The following CDH23 variants were observed in gnomAD, a reference collection of about 807,000 sequenced individuals.
CDH23 encodes cadherin-23.
In CDH23, 189 loss-of-function variants were observed where a neutral mutation model predicts 317.1. That is an observed-to-expected ratio of 0.60 (90% CI 0.53 to 0.67). CDH23 has a LOEUF of 0.67. Ranked by LOEUF, CDH23 falls within the 30% of genes least tolerant of loss-of-function variation. The pLI, the probability that CDH23 is intolerant of heterozygous loss-of-function variation, is 0.00. For missense variants in CDH23, 4,401 were observed against 4,592.4 expected (o/e 0.96, Z 1.20); for synonymous variants, 1,839 against 1,876.8 (o/e 0.98, Z 0.52).
At chr10:71,697,264 A>G (rs1322201423) in intron 22 of CDH23, among the ~76,000 whole-genome samples, 2 of 152,162 alleles carry the variant, frequency 1.3e-5, no homozygotes, top group East Asian at 3.9e-4. Flanking sequence ...GGCATGGACA[A>G]TGGACCAAGG....
intron 14 of CDH23, among the ~76,000 whole-genome samples, chr10:71,655,213 G>A (rs1589301154): frequency 6.6e-6 from 1 of 152,220 alleles, no homozygotes; most frequent in East Asian, 1.9e-4. Flanking sequence ...GCTGTCCCAG[G>A]CACTCCCTGG....
In CDH23 at chr10:71,469,233, C is replaced by A. The variant is rs749997102; in HGVS notation, c.145+22838C>A. 1.6e-4 allele frequency among the ~76,000 whole-genome samples: 25 copies of A among 152,330 alleles called. No homozygotes were observed. In the East Asian group the frequency reaches 3.3e-3, roughly 20 times the overall value. ...GCACACGCCCTTGAAACCATCACCA[C>A]CATTAAGATAGCGAACATATCCATC... On this transcript the variant is annotated intron_variant, in intron 3 of 69. Coordinates refer to ENST00000224721, the MANE Select transcript of CDH23 (RefSeq NM_022124.6).
At chr10:71,680,542 G>C (rs1228453382) in intron 17 of CDH23, among the ~76,000 whole-genome samples, 2 of 152,086 alleles carry the variant, frequency 1.3e-5, no homozygotes, top group Non-Finnish European at 2.9e-5. Context: ...GAGGTCAGGA[G>C]TTTGAGACCA....
chr10:71,567,603 C>T (rs1471208702), intron 7 of CDH23, among the ~76,000 whole-genome samples: 1 of 152,276 alleles, frequency 6.6e-6, no homozygotes, highest in African/African-American at 2.4e-5. Context: ...GGTTGTCCAC[C>T]TCTCAGTCCA....
At chr10:71,651,802 T>C (rs542351582) in intron 14 of CDH23, among the ~76,000 whole-genome samples, 4 of 152,320 alleles carry the variant, frequency 2.6e-5, no homozygotes, top group East Asian at 3.9e-4. Context: ...CTTGTGACGG[T>C]GGCAGGCGTT....
intron 32 of CDH23, 97 bp from the exon 33 acceptor site, chr10:71,734,142 GA>G: frequency 1.0e-6 from 1 of 973,500 alleles, no homozygotes; most frequent in Admixed American, 2.0e-5. Flanking sequence ...AGTTATGCCG[GA>G]CAGAGGAAGT....
chr10:71,627,673 A>C (rs985664401), intron 11 of CDH23, among the ~76,000 whole-genome samples: 2 of 152,066 alleles, frequency 1.3e-5, no homozygotes, highest in Non-Finnish European at 2.9e-5. Context: ...AGTCCCGTCT[A>C]ACAGCTGGAG....
At chr10:71,663,142 G>A (rs1450541550) in intron 14 of CDH23, among the ~76,000 whole-genome samples, 3 of 152,124 alleles carry the variant, frequency 2.0e-5, no homozygotes, top group Admixed American at 1.3e-4. Context: ...CACATTTGTG[G>A]GTCCCAGAGG....
intron 9 of CDH23, among the ~76,000 whole-genome samples, chr10:71,587,360 T>C (rs1404047053): frequency 6.6e-6 from 1 of 152,266 alleles, no homozygotes; most frequent in Non-Finnish European, 1.5e-5. Flanking sequence ...CATTCATTCA[T>C]TCAGCTAGCC....
intron 3 of CDH23, among the ~76,000 whole-genome samples, chr10:71,475,816 A>G (rs922218276): frequency 2.6e-5 from 4 of 152,240 alleles, no homozygotes; most frequent in Non-Finnish European, 5.9e-5. Flanking sequence ...AGCAGGCCCC[A>G]GTTCCATGCC....
At chr10:71,465,425 G>A (rs1281594905) in intron 3 of CDH23, among the ~76,000 whole-genome samples, 1 of 152,248 alleles carries the variant, frequency 6.6e-6, no homozygotes, top group Non-Finnish European at 1.5e-5. Flanking sequence ...TAGCCACGAG[G>A]CATTTGAGGT....
intron 38 of CDH23, chr10:71,761,763 G>A (rs779919795): frequency 5.8e-5 from 94 of 1,614,026 alleles, no homozygotes; most frequent in South Asian, 1.9e-4. Context: ...AGCCCGTGGC[G>A]CTGAGCCAGG....
At chr10:71,493,928 A>C (rs1473288996) in intron 3 of CDH23, among the ~76,000 whole-genome samples, 2 of 152,222 alleles carry the variant, frequency 1.3e-5, no homozygotes, top group Non-Finnish European at 2.9e-5. Flanking sequence ...GGGATGACTC[A>C]TCATTCAGCA....
At chr10:71,506,149 G>T (rs1372864634) in intron 3 of CDH23, among the ~76,000 whole-genome samples, 1 of 152,196 alleles carries the variant, frequency 6.6e-6, no homozygotes, top group African/African-American at 2.4e-5. Flanking sequence ...GCCACATACT[G>T]TATTATTTCA....
intron 3 of CDH23, among the ~76,000 whole-genome samples, chr10:71,469,609 C>T (rs926944126): frequency 8.2e-6 from 1 of 122,294 alleles, no homozygotes; most frequent in Non-Finnish European, 1.7e-5. Flanking sequence ...TTTGTGTCCC[C>T]CCCTTGTTTT....
At chr10:71,703,161 A>G (rs1015447638) in intron 24 of CDH23, among the ~76,000 whole-genome samples, 1 of 152,146 alleles carries the variant, frequency 6.6e-6, no homozygotes, top group African/African-American at 2.4e-5. Context: ...GGCCAAGCAC[A>G]TGGTCTGATC....
intron 46 of CDH23, 73 bp from the exon 47 acceptor site, chr10:71,791,059 G>C: frequency 8.3e-7 from 1 of 1,199,528 alleles, no homozygotes; most frequent in Non-Finnish European, 1.2e-6. Context: ...CTCTCTCCCT[G>C]TTGGTTCTTG....
intron 52 of CDH23, among the ~76,000 whole-genome samples, 176 bp from the exon 53 acceptor site, chr10:71,800,460 T>C (rs962658928): frequency 1.3e-5 from 2 of 151,978 alleles, no homozygotes; most frequent in Non-Finnish European, 2.9e-5. Flanking sequence ...CCAGGTAGGT[T>C]GGGGTAGTGA....
Position 71,457,624 on chromosome 10 carries a change from C to T in CDH23, c.145+11229C>T, listed in dbSNP as rs557046625. Among the ~76,000 whole-genome samples the T allele has an allele frequency of 9.1e-4, 138 of 152,312 alleles. 1 individual carries two copies. The highest frequency in any genetic ancestry group is 3.0e-3 in the African/African-American group (126 of 41,570). ...GGAGGGGAGGTTGGCCAGCCCAGCT[C>T]AATCTGGGAGACCAGGCCCCGGACT... is the stretch of plus-strand genomic sequence containing the variant. On this transcript the variant is annotated intron_variant, in intron 3 of 69. Transcript: ENST00000224721.
Sources: gnomAD v4.1 joint callset for allele counts (sites outside exome capture counted in the v4.1 genomes callset) on GRCh38, gnomAD v4.1.1 for gene constraint, MANE v1.5 for transcripts, NCBI Gene and HGNC (gene_info 2026-07-23, HGNC 2026-07-21) for gene names.